SACM1L: variants seen among roughly 807,000 people sequenced by gnomAD.
SACM1L encodes the protein SAC1 like phosphatidylinositide phosphatase.
SACM1L carries 32 observed loss-of-function variants against 89.5 expected under a neutral mutation model. The ratio of observed to expected loss-of-function variants is 0.36; its 90% CI spans 0.27 to 0.48. The LOEUF is 0.48. Ranked by LOEUF, SACM1L falls within the 20% of genes least tolerant of loss-of-function variation. The pLI is 0.99. For missense variants in SACM1L, 543 were observed against 708.5 expected, an observed-to-expected ratio of 0.77 and a Z score of 2.65; for synonymous variants, 213 against 232.8, an observed-to-expected ratio of 0.92 and a Z score of 0.77.
chr3:45,714,298 A>C (rs1025935102), intron 7 of SACM1L, among the ~76,000 whole-genome samples: 4 of 149,304 alleles, frequency 2.7e-5, no homozygotes, highest in Admixed American at 2.7e-4. Flanking sequence ...TCTGTTCAAG[A>C]GTTCTGGGGT....
intron 19 of SACM1L, among the ~76,000 whole-genome samples, chr3:45,740,466 T>C (rs1699290145): frequency 6.6e-6 from 1 of 152,194 alleles, no homozygotes; most frequent in South Asian, 2.1e-4. Context: ...TGGCCCACTA[T>C]CTTTGCAGCT....
At chr3:45,713,065 T>G in intron 5 of SACM1L, 72 bp from the exon 6 acceptor site, 1 of 1,213,894 alleles carries the variant, frequency 8.2e-7, no homozygotes, top group South Asian at 1.3e-5. Context: ...AGACATTGAT[T>G]GGTGTAGTTT....
intron 1 of SACM1L, among the ~76,000 whole-genome samples, chr3:45,690,996 T>G: frequency 6.6e-6 from 1 of 152,242 alleles, no homozygotes; most frequent in South Asian, 2.1e-4. Context: ...ATGGAGAACT[T>G]GAGAATTATG....
In SACM1L at chr3:45,689,431, G is replaced by T. The variant is rs1207335219; in HGVS notation, c.-35G>T. 6.4e-7 allele frequency: 1 copy of T among 1,554,570 alleles called. No homozygotes were observed. The highest frequency in any genetic ancestry group is 8.7e-7 in the Non-Finnish European group (1 of 1,149,710). ...CCGAGGTGGCGGCGCGGGGCGGGGCGGGCGGAGAGAGAAGGAAGGAGGTGG... is the reference window on the plus strand; with the variant it reads ...CCGAGGTGGCGGCGCGGGGCGGGGCTGGCGGAGAGAGAAGGAAGGAGGTGG... On this transcript the variant is annotated 5_prime_UTR_variant, in exon 1 of 20. Transcript: ENST00000389061.
chr3:45,712,269 G>C (rs924709480), intron 5 of SACM1L, among the ~76,000 whole-genome samples: 42 of 152,108 alleles, frequency 2.8e-4, no homozygotes, highest in Non-Finnish European at 8.8e-5. Flanking sequence ...TTTTGAGACA[G>C]AGTCTTGCTC....
intron 11 of SACM1L, among the ~76,000 whole-genome samples, chr3:45,728,610 A>G (rs532144251): frequency 2.6e-5 from 4 of 152,256 alleles, no homozygotes; most frequent in Admixed American, 2.0e-4. Context: ...CCATCTTTAT[A>G]TATTGTGTTT....
intron 8 of SACM1L, among the ~76,000 whole-genome samples, chr3:45,721,314 G>A (rs1269829129): frequency 6.6e-6 from 1 of 152,224 alleles, no homozygotes; most frequent in Non-Finnish European, 1.5e-5. Context: ...CTGAGGTCGG[G>A]AGTTTGAGAC....
At chr3:45,712,913 A>G (rs1282970267) in intron 5 of SACM1L, among the ~76,000 whole-genome samples, 1 of 152,186 alleles carries the variant, frequency 6.6e-6, no homozygotes. Flanking sequence ...ATGTAAGGGA[A>G]AGAAATACCG....
Position 45,713,059 on chromosome 3 carries a change from A to G in SACM1L, c.484-78A>G, listed in dbSNP as rs1575395783. 6 of 1,172,048 alleles carry G rather than the reference A, an allele frequency of 5.1e-6. No individual in the cohort carries two copies. The South Asian group carries it at 6.8e-5, about 13-fold the overall frequency. The allele number at this position is 1,172,048 out of a possible 1,614,324, so 72.6% of individuals were successfully genotyped here. On this transcript the variant is annotated intron_variant, in intron 5 of 19. Transcript: ENST00000389061. ...TGGCTTCTAGCCATCAGAAAGAGAC[A>G]TTGATTGGTGTAGTTTTCTTTCTGT...
At chr3:45,735,154 T>G in intron 13 of SACM1L, 81 bp from the exon 14 acceptor site, 102 of 1,273,114 alleles carry the variant, frequency 8.0e-5, no homozygotes, top group Non-Finnish European at 1.0e-4. Flanking sequence ...GTCACTGAAA[T>G]GAGACCCATG....
At chr3:45,714,125 T>C in intron 7 of SACM1L, 46 bp downstream of exon 7, 1 of 1,239,154 alleles carries the variant, frequency 8.1e-7, no homozygotes, top group Admixed American at 2.1e-5. Context: ...TGCCTTTATT[T>C]AAATTTTATT....
chr3:45,695,231 G>A (rs959153924), intron 1 of SACM1L, among the ~76,000 whole-genome samples: 1 of 151,890 alleles, frequency 6.6e-6, no homozygotes, highest in South Asian at 2.1e-4. Context: ...AACCAGAGAT[G>A]TATTAAATTT....
Position 45,744,413 on chromosome 3 carries a change from G to A in SACM1L, c.*744G>A. 6.6e-6 allele frequency: 1 copy of A among 152,628 alleles called. No individual in the cohort carries two copies. The highest frequency in any genetic ancestry group is 1.9e-4 in the East Asian group (1 of 5,202). The allele number at this position is 152,628 out of a possible 1,614,324, so 9.5% of individuals were successfully genotyped here. ...TCTCTTACGCTAGAGGTCCAAAGCT[G>A]CCTCTGTTTTAAAGATTATCCCAAT... On this transcript the variant is annotated 3_prime_UTR_variant, in exon 20 of 20. Transcript: ENST00000389061.
chr3:45,726,018 A>G (rs1293104580), intron 11 of SACM1L, among the ~76,000 whole-genome samples: 1 of 151,854 alleles, frequency 6.6e-6, no homozygotes, highest in Admixed American at 6.6e-5. Flanking sequence ...ATTTTTGTGT[A>G]TTGAACCAGC....
chr3:45,731,328 C>T lies in SACM1L; in HGVS notation c.949C>T (p.Leu317Phe). 6.2e-7 allele frequency: 1 copy of T among 1,613,372 alleles called. No individual in the cohort carries two copies. Among genetic ancestry groups the T allele is most frequent in the Non-Finnish European group, 8.5e-7 (1 of 1,179,528 alleles). ...LINQKGSEKP[L>F]EQTFATMVSS... ...TAACCAGAAGGGCTCGGAGAAGCCA[C>T]TTGAGCAGACATTTGCAACAATGGT... is the stretch of plus-strand genomic sequence containing the variant. The change falls in exon 12 of 20, where the codon CTT (leucine) becomes TTT (phenylalanine). Residue 317 changes from leucine to phenylalanine, a missense_variant. Leu to Phe is a conservative substitution (Grantham distance 22). Transcript: ENST00000389061.
At chr3:45,736,624 T>C (rs548599537) in intron 14 of SACM1L, among the ~76,000 whole-genome samples, 1 of 152,360 alleles carries the variant, frequency 6.6e-6, no homozygotes, top group African/African-American at 2.4e-5. Flanking sequence ...TGTTGGAAGG[T>C]CTTCTAAGTG....
At chr3:45,717,146 C>T (rs1263427917) in intron 7 of SACM1L, among the ~76,000 whole-genome samples, 1 of 152,110 alleles carries the variant, frequency 6.6e-6, no homozygotes, top group African/African-American at 2.4e-5. Flanking sequence ...TCTGATGATA[C>T]CAGGTAATAG....
At chr3:45,704,546 T>G (rs1403846704) in intron 2 of SACM1L, among the ~76,000 whole-genome samples, 1 of 152,206 alleles carries the variant, frequency 6.6e-6, no homozygotes, top group Admixed American at 6.5e-5. Context: ...CTAGTGTTAG[T>G]ACACTTCTCC....
intron 2 of SACM1L, among the ~76,000 whole-genome samples, chr3:45,704,773 A>G (rs1045228063): frequency 2.0e-5 from 3 of 152,226 alleles, no homozygotes; most frequent in Admixed American, 2.0e-4. Context: ...AGTAAGACAC[A>G]TGATAAAATA....
Sources: allele counts gnomAD v4.1 joint callset (sites outside exome capture counted in the v4.1 genomes callset), GRCh38; gene constraint gnomAD v4.1.1; transcripts MANE v1.5; gene names NCBI Gene and HGNC (gene_info 2026-07-23, HGNC 2026-07-21).